Variants in TMEM108 observed in about 807,000 individuals in gnomAD.
TMEM108 encodes the protein cancer/testis antigen 124.
In TMEM108, 12 loss-of-function variants were observed where a neutral mutation model predicts 35.1. The observed-to-expected ratio is 0.34, with a 90% confidence interval of 0.22 to 0.55. The LOEUF (loss-of-function observed/expected upper bound fraction) is 0.55, where lower values mean the gene tolerates loss of function less well. Ranked by LOEUF, TMEM108 falls within the 20% of genes least tolerant of loss-of-function variation. The probability of loss-of-function intolerance (pLI) is 0.89; values close to 1 mark genes in which losing one functional copy is unlikely to be tolerated. For missense variants in TMEM108, 680 were observed against 753.3 expected, an observed-to-expected ratio of 0.90 and a Z score of 1.14; for synonymous variants, 287 against 308.6, an observed-to-expected ratio of 0.93 and a Z score of 0.73.
At chr3:133,391,890 T>C (rs1559950266) in intron 5 of TMEM108, among the ~76,000 whole-genome samples, 1 of 152,174 alleles carries the variant, frequency 6.6e-6, no homozygotes, top group Non-Finnish European at 1.5e-5. Flanking sequence ...AGCTGTGATA[T>C]GCTACTGGTC....
At chr3:133,324,708 T>C (rs1456761687) in intron 3 of TMEM108, among the ~76,000 whole-genome samples, 1 of 152,222 alleles carries the variant, frequency 6.6e-6, no homozygotes, top group Non-Finnish European at 1.5e-5. Flanking sequence ...CTGAACGCAG[T>C]GGCTCACACC....
At chr3:133,058,772 C>A (rs1328253098) in intron 2 of TMEM108, among the ~76,000 whole-genome samples, 1 of 152,148 alleles carries the variant, frequency 6.6e-6, no homozygotes, top group African/African-American at 2.4e-5. Context: ...TTTGTTTCCC[C>A]AATTAGATAA....
At chr3:133,292,615 GT>G (rs1947088012) in intron 3 of TMEM108, among the ~76,000 whole-genome samples, 1 of 152,210 alleles carries the variant, frequency 6.6e-6, no homozygotes, top group South Asian at 2.1e-4. Context: ...GGCACGTGTG[GT>G]TTTGTTTCAG....
chr3:133,189,593 T>G (rs1479143716), intron 2 of TMEM108, among the ~76,000 whole-genome samples: 1 of 152,202 alleles, frequency 6.6e-6, no homozygotes, highest in Non-Finnish European at 1.5e-5. Flanking sequence ...TCAGCTTGAA[T>G]AATAATGGAA....
At chr3:133,391,343 T>C (rs1313290175) in intron 5 of TMEM108, among the ~76,000 whole-genome samples, 2 of 152,160 alleles carry the variant, frequency 1.3e-5, no homozygotes, top group Non-Finnish European at 2.9e-5. Flanking sequence ...AACAGACATC[T>C]GAGTAAGGCA....
At chr3:133,076,572 T>C (rs1412101617) in intron 2 of TMEM108, among the ~76,000 whole-genome samples, 1 of 152,188 alleles carries the variant, frequency 6.6e-6, no homozygotes, top group African/African-American at 2.4e-5. Context: ...GTATGTGTAA[T>C]AAAAAGTAAG....
intron 2 of TMEM108, among the ~76,000 whole-genome samples, chr3:133,053,002 C>T (rs1943425371): frequency 6.6e-6 from 1 of 152,054 alleles, no homozygotes; most frequent in Non-Finnish European, 1.5e-5. Flanking sequence ...AGGGAAGATG[C>T]AGGTGCTCTG....
At chr3:133,150,596 C>T (rs1160171570) in intron 2 of TMEM108, among the ~76,000 whole-genome samples, 1 of 151,796 alleles carries the variant, frequency 6.6e-6, no homozygotes, top group African/African-American at 2.4e-5. Flanking sequence ...CTTTTTTTAA[C>T]CTGTATTCAT....
intron 2 of TMEM108, among the ~76,000 whole-genome samples, chr3:133,169,314 C>T (rs1030235226): frequency 2.5e-4 from 19 of 75,898 alleles, no homozygotes; most frequent in African/African-American, 9.9e-4. Context: ...GTGTACTCAT[C>T]TTTGGACTTT....
chr3:133,157,411 C>G (rs2107774787), intron 2 of TMEM108, among the ~76,000 whole-genome samples: 1 of 152,288 alleles, frequency 6.6e-6, no homozygotes, highest in Non-Finnish European at 1.5e-5. Context: ...TAAAGACAAG[C>G]TACCTTTATG....
intron 2 of TMEM108, among the ~76,000 whole-genome samples, chr3:133,051,754 A>G (rs1412329227): frequency 6.6e-6 from 1 of 152,076 alleles, no homozygotes; most frequent in Non-Finnish European, 1.5e-5. Flanking sequence ...TACCAGCATC[A>G]TTTGTTGCTT....
At chr3:133,196,467 T>G (rs1236447256) in intron 2 of TMEM108, among the ~76,000 whole-genome samples, 1 of 152,242 alleles carries the variant, frequency 6.6e-6, no homozygotes, top group East Asian at 1.9e-4. Flanking sequence ...GGTGGCCATG[T>G]AGCTTGATGT....
chr3:133,065,410 T>TA (rs1411255012), intron 2 of TMEM108, among the ~76,000 whole-genome samples: 1 of 152,148 alleles, frequency 6.6e-6, no homozygotes, highest in African/African-American at 2.4e-5. Flanking sequence ...CCAGCTATGG[T>TA]AAATAAGTGC....
intron 2 of TMEM108, among the ~76,000 whole-genome samples, chr3:133,166,162 T>G (rs952759257): frequency 6.6e-6 from 1 of 152,160 alleles, no homozygotes; most frequent in Non-Finnish European, 1.5e-5. Flanking sequence ...AATAAAAACC[T>G]TGTGACAATT....
At chr3:133,155,200 A>G (rs1055464307) in intron 2 of TMEM108, among the ~76,000 whole-genome samples, 4 of 152,186 alleles carry the variant, frequency 2.6e-5, no homozygotes, top group Admixed American at 6.5e-5. Flanking sequence ...ATTCTTTTCT[A>G]TGGCTGCATA....
chr3:133,173,077 C>G (rs1027488933), intron 2 of TMEM108, among the ~76,000 whole-genome samples: 1 of 152,156 alleles, frequency 6.6e-6, no homozygotes, highest in African/African-American at 2.4e-5. Flanking sequence ...TTATCAGCAG[C>G]ATGAGAACAG....
At chr3:133,234,552 G>A (rs375737645) in intron 3 of TMEM108, among the ~76,000 whole-genome samples, 7 of 151,976 alleles carry the variant, frequency 4.6e-5, no homozygotes, top group African/African-American at 1.7e-4. Flanking sequence ...ATTCAACAAC[G>A]CTTCATGCTA....
intron 2 of TMEM108, among the ~76,000 whole-genome samples, chr3:133,060,278 C>T (rs185892742): frequency 4.6e-5 from 7 of 152,194 alleles, no homozygotes; most frequent in Admixed American, 3.9e-4. Context: ...GTTATGAGGA[C>T]GTAATGTTTA....
chr3:133,381,451 G>A (rs1174461260), intron 4 of TMEM108, among the ~76,000 whole-genome samples: 1 of 152,198 alleles, frequency 6.6e-6, no homozygotes, highest in Non-Finnish European at 1.5e-5. Context: ...TGCCAAGCTA[G>A]CAGTGACATG....
Sources: allele counts gnomAD v4.1 joint callset (sites outside exome capture counted in the v4.1 genomes callset), GRCh38; gene constraint gnomAD v4.1.1; transcripts MANE v1.5; gene names NCBI Gene and HGNC (gene_info 2026-07-23, HGNC 2026-07-21).